KLHL1: variants seen among roughly 807,000 people sequenced by gnomAD.
KLHL1 encodes kelch like family member 1.
A neutral mutation model predicts 77.7 loss-of-function variants in KLHL1; 47 were observed. The observed-to-expected ratio is 0.60, with a 90% CI of 0.48 to 0.77. The LOEUF (loss-of-function observed/expected upper bound fraction) is 0.77. Ranked by LOEUF, KLHL1 falls within the 30% of genes least tolerant of loss-of-function variation. The probability of loss-of-function intolerance (pLI) is 0.00; values close to 1 mark genes in which losing one functional copy is unlikely to be tolerated. For synonymous variants in KLHL1, 360 were observed against 325.2 expected, an observed-to-expected ratio of 1.11 and a Z score of -1.15; for missense variants, 925 against 910.8, an observed-to-expected ratio of 1.02 and a Z score of -0.20.
chr13:69,866,307 T>G (rs1880363117), intron 5 of KLHL1, among the ~76,000 whole-genome samples: 1 of 152,038 alleles, frequency 6.6e-6, no homozygotes, highest in African/African-American at 2.4e-5. Context: ...GAATATCTGG[T>G]TTTCCAGCTC....
At chr13:69,878,721 G>T (rs903466588) in intron 5 of KLHL1, among the ~76,000 whole-genome samples, 36 of 151,908 alleles carry the variant, frequency 2.4e-4, no homozygotes, top group African/African-American at 7.2e-4. Flanking sequence ...TAGAGAGAGA[G>T]AGAGAGAGAG....
intron 1 of KLHL1, among the ~76,000 whole-genome samples, chr13:69,991,265 C>G (rs893571521): frequency 6.6e-6 from 1 of 151,590 alleles, no homozygotes; most frequent in Non-Finnish European, 1.5e-5. Context: ...AAGAGCGAAC[C>G]AACCCAAAGG....
chr13:69,774,742 A>G (rs1408003958), intron 7 of KLHL1, among the ~76,000 whole-genome samples: 2 of 152,042 alleles, frequency 1.3e-5, no homozygotes, highest in African/African-American at 4.8e-5. Context: ...ATGCAATAAT[A>G]TTTTCTTGTA....
At chr13:69,733,229 A>AT (rs1460755377) in intron 8 of KLHL1, among the ~76,000 whole-genome samples, 1 of 149,306 alleles carries the variant, frequency 6.7e-6, no homozygotes. Context: ...CATATGAAAG[A>AT]TAAAAAAAAA....
chr13:69,920,585 T>G (rs897608411), intron 4 of KLHL1, among the ~76,000 whole-genome samples: 3 of 152,174 alleles, frequency 2.0e-5, no homozygotes, highest in East Asian at 3.9e-4. Flanking sequence ...TGGGCTTTTT[T>G]GATATTTATG....
At chr13:70,045,282 C>A (rs1566528417) in intron 1 of KLHL1, among the ~76,000 whole-genome samples, 1 of 152,050 alleles carries the variant, frequency 6.6e-6, no homozygotes, top group African/African-American at 2.4e-5. Context: ...CAAATACATC[C>A]TTTTTTGCTT....
chr13:69,933,119 T>G (rs1883059970), intron 4 of KLHL1, among the ~76,000 whole-genome samples: 1 of 152,074 alleles, frequency 6.6e-6, no homozygotes, highest in East Asian at 1.9e-4. Flanking sequence ...CCCTGACCTT[T>G]TCATTTCATA....
intron 1 of KLHL1, among the ~76,000 whole-genome samples, chr13:70,094,610 G>A (rs17743943): frequency 0.016 from 2,398 of 152,122 alleles, 19 homozygotes; most frequent in Non-Finnish European, 0.023. Context: ...CCACCACATT[G>A]CATACCTCCA....
At chr13:70,074,303 T>C (rs1018324203) in intron 1 of KLHL1, among the ~76,000 whole-genome samples, 5 of 152,150 alleles carry the variant, frequency 3.3e-5, no homozygotes, top group Non-Finnish European at 7.3e-5. Flanking sequence ...TTGCCACTCC[T>C]TTCTGTCGTC....
At chr13:69,839,896 G>A (rs959204626) in intron 5 of KLHL1, among the ~76,000 whole-genome samples, 5 of 151,402 alleles carry the variant, frequency 3.3e-5, no homozygotes, top group Non-Finnish European at 4.4e-5. Flanking sequence ...TTTCTCTTTC[G>A]CTCTTTAGAT....
chr13:69,727,554 T>C, intron 8 of KLHL1, among the ~76,000 whole-genome samples: 1 of 152,044 alleles, frequency 6.6e-6, no homozygotes, highest in East Asian at 1.9e-4. Flanking sequence ...AAGGCAAGTG[T>C]CAAGAAAAGA....
intron 4 of KLHL1, among the ~76,000 whole-genome samples, chr13:69,939,368 T>TAC (rs1883289282): frequency 3.4e-5 from 3 of 89,484 alleles, no homozygotes; most frequent in East Asian, 2.4e-4. Flanking sequence ...TATATATATA[T>TAC]ATATATATAT....
chr13:69,989,283 T>A (rs542126101), intron 1 of KLHL1, among the ~76,000 whole-genome samples: 6 of 152,070 alleles, frequency 3.9e-5, no homozygotes, highest in South Asian at 2.1e-4. Context: ...TGTGGCTTTA[T>A]TTCATGGCTC....
chr13:69,836,420 G>A (rs1298306586), intron 6 of KLHL1, among the ~76,000 whole-genome samples: 1 of 152,028 alleles, frequency 6.6e-6, no homozygotes, highest in South Asian at 2.1e-4. Flanking sequence ...TAGTTGTAAG[G>A]CATAGATTTA....
At chr13:69,797,150 T>A (rs955724084) in intron 6 of KLHL1, among the ~76,000 whole-genome samples, 188 bp from the exon 7 acceptor site, 1 of 152,206 alleles carries the variant, frequency 6.6e-6, no homozygotes, top group Non-Finnish European at 1.5e-5. Context: ...CAGACATGAA[T>A]GATCAAAATA....
At chr13:69,923,324 G>A (rs1278781379) in intron 4 of KLHL1, among the ~76,000 whole-genome samples, 1 of 152,154 alleles carries the variant, frequency 6.6e-6, no homozygotes, top group Non-Finnish European at 1.5e-5. Context: ...TAATTTTGTA[G>A]CTTGGTGGAG....
intron 1 of KLHL1, among the ~76,000 whole-genome samples, chr13:70,051,331 T>G (rs1043394905): frequency 6.6e-6 from 1 of 152,036 alleles, no homozygotes; most frequent in Non-Finnish European, 1.5e-5. Flanking sequence ...CACATGAAAA[T>G]GAATGGCAGA....
chr13:69,955,900 T>A (rs1294242686), intron 3 of KLHL1, among the ~76,000 whole-genome samples: 3 of 135,602 alleles, frequency 2.2e-5, no homozygotes, highest in East Asian at 2.5e-4. Flanking sequence ...TTTGATATAT[T>A]TATATATATT....
intron 5 of KLHL1, among the ~76,000 whole-genome samples, chr13:69,855,391 T>TAGAGAC (rs1208883248): frequency 0.05 from 7,533 of 150,396 alleles, 320 homozygotes; most frequent in African/African-American, 0.077. Flanking sequence ...TAGATAGAGA[T>TAGAGAC]AGAGATAGAT....
Sources: gnomAD v4.1 joint callset for allele counts (sites outside exome capture counted in the v4.1 genomes callset) on GRCh38, gnomAD v4.1.1 for gene constraint, MANE v1.5 for transcripts, NCBI Gene and HGNC (gene_info 2026-07-23, HGNC 2026-07-21) for gene names.